The following PLA2G5 variants were observed in gnomAD, a reference collection of about 807,000 sequenced individuals.
PLA2G5 encodes phospholipase A2 group V.
A neutral mutation model predicts 15.9 loss-of-function variants in PLA2G5; 12 were observed. The observed-to-expected ratio is 0.76, with a 90% CI of 0.48 to 1.23. The LOEUF is 1.23. Among genes scored for constraint, PLA2G5 ranks in the 50% most tolerant of loss-of-function variants. PLA2G5 has a pLI of 0.00. For missense variants in PLA2G5, 169 were observed against 177.1 expected (o/e 0.95, Z 0.26); for synonymous variants, 71 against 71.4 (o/e 0.99, Z 0.03).
intron 1 of PLA2G5, among the ~76,000 whole-genome samples, chr1:20,081,791 TG>T (rs1287687491): frequency 6.6e-6 from 1 of 151,806 alleles, no homozygotes; most frequent in Non-Finnish European, 1.5e-5. Context: ...AGAATTCTCA[TG>T]GCTGTAATCC....
intron 1 of PLA2G5, among the ~76,000 whole-genome samples, chr1:20,033,808 G>A (rs1039533684): frequency 3.3e-5 from 5 of 151,940 alleles, no homozygotes; most frequent in African/African-American, 4.8e-5. Flanking sequence ...GTAGTTGATG[G>A]GGCAAGCTGA....
intron 1 of PLA2G5, among the ~76,000 whole-genome samples, chr1:20,044,886 G>T (rs2013809941): frequency 6.6e-6 from 1 of 152,056 alleles, no homozygotes; most frequent in Non-Finnish European, 1.5e-5. Context: ...GCAGCGTTTG[G>T]GGTTGGGACT....
intron 1 of PLA2G5, among the ~76,000 whole-genome samples, chr1:20,042,472 CT>C (rs748768276): frequency 2.0e-5 from 3 of 152,002 alleles, no homozygotes; most frequent in Non-Finnish European, 4.4e-5. Context: ...GGTCCCAGCT[CT>C]TGTGTAGGAA....
At chr1:20,079,113 CAAAA>C (rs5772882) in intron 1 of PLA2G5, among the ~76,000 whole-genome samples, 12 of 103,052 alleles carry the variant, frequency 1.2e-4, no homozygotes, top group African/African-American at 1.5e-4. Context: ...GACCCTGTCT[CAAAA>C]AAAAAAAAAA....
chr1:20,046,227 G>A (rs746667117), intron 1 of PLA2G5: 2 of 152,152 alleles, frequency 1.3e-5, no homozygotes, highest in African/African-American at 4.8e-5. Context: ...AGTGCTCAGC[G>A]ATCATATTGT....
intron 1 of PLA2G5, among the ~76,000 whole-genome samples, chr1:20,046,319 G>A (rs770651381): frequency 5.9e-5 from 9 of 152,082 alleles, no homozygotes; most frequent in Non-Finnish European, 1.0e-4. Context: ...AAATCCAAGT[G>A]AGAATTCCAA....
At chr1:20,057,887 G>A (rs998867955) in intron 1 of PLA2G5, among the ~76,000 whole-genome samples, 6 of 151,746 alleles carry the variant, frequency 4.0e-5, no homozygotes, top group African/African-American at 1.4e-4. Flanking sequence ...TTTGACCCAC[G>A]TGTTATTTAG....
At chr1:20,084,026 C>T (rs532990972) in intron 1 of PLA2G5, among the ~76,000 whole-genome samples, 22 of 151,714 alleles carry the variant, frequency 1.5e-4, no homozygotes, top group Admixed American at 9.8e-4. Flanking sequence ...ATAATAAATC[C>T]AGCTTGGATT....
intron 1 of PLA2G5, among the ~76,000 whole-genome samples, chr1:20,058,183 ACTTT>A (rs1350508452): frequency 1.3e-5 from 2 of 152,040 alleles, no homozygotes; most frequent in Non-Finnish European, 2.9e-5. Flanking sequence ...GTCCTTACTG[ACTTT>A]CTGCTTGCTG....
chr1:20,086,843 C>T (rs184315817), intron 3 of PLA2G5, among the ~76,000 whole-genome samples: 13 of 152,280 alleles, frequency 8.5e-5, no homozygotes, highest in South Asian at 2.1e-4. Context: ...ACCTCTTGAT[C>T]GGGAAGTGCT....
intron 1 of PLA2G5, among the ~76,000 whole-genome samples, chr1:20,040,551 G>A (rs892505684): frequency 1.2e-4 from 18 of 149,612 alleles, no homozygotes; most frequent in African/African-American, 4.5e-4. Flanking sequence ...TTGCTAGTGG[G>A]ATGTCATTGC....
At chr1:20,068,979 T>C (rs1461502665), upstream of PLA2G5, 11 of 1,274,272 alleles carry the variant, frequency 8.6e-6, no homozygotes, top group Non-Finnish European at 1.0e-5. Context: ...GGCCCAGAAT[T>C]GGCACAGATA....
chr1:20,051,704 G>C (rs1370062295), intron 1 of PLA2G5, among the ~76,000 whole-genome samples: 2 of 152,178 alleles, frequency 1.3e-5, no homozygotes, highest in African/African-American at 4.8e-5. Context: ...GCTTTGACTG[G>C]AATGGCATGC....
At chr1:20,074,908 G>A (rs1211713932) in intron 1 of PLA2G5, among the ~76,000 whole-genome samples, 1 of 152,194 alleles carries the variant, frequency 6.6e-6, no homozygotes, top group Non-Finnish European at 1.5e-5. Context: ...ACCCAAGTCA[G>A]CCCCAATTCC....
intron 1 of PLA2G5, among the ~76,000 whole-genome samples, chr1:20,083,675 G>T (rs2016143356): frequency 6.6e-6 from 1 of 151,878 alleles, no homozygotes; most frequent in South Asian, 2.1e-4. Flanking sequence ...GGCCTGAGAG[G>T]TAGAGCATGA....
At chr1:20,067,173 T>G (rs932952366), upstream of PLA2G5, among the ~76,000 whole-genome samples, 4 of 152,150 alleles carry the variant, frequency 2.6e-5, no homozygotes, top group African/African-American at 9.7e-5. Context: ...TTTTGAATTT[T>G]GGGTAGAGAT....
chr1:20,031,286 C>CTAA (rs2012918984), intron 1 of PLA2G5, among the ~76,000 whole-genome samples: 1 of 152,044 alleles, frequency 6.6e-6, no homozygotes, highest in Non-Finnish European at 1.5e-5. Flanking sequence ...ACAAACAAAT[C>CTAA]TAACAGTTGG....
At chr1:20,067,503 C>T (rs1226626617), upstream of PLA2G5, among the ~76,000 whole-genome samples, 1 of 151,788 alleles carries the variant, frequency 6.6e-6, no homozygotes, top group African/African-American at 2.4e-5. Flanking sequence ...GCTTGGGCAA[C>T]ACGGTGAAAC....
intron 1 of PLA2G5, among the ~76,000 whole-genome samples, chr1:20,078,607 G>A (rs1180192811): frequency 6.6e-6 from 1 of 152,148 alleles, no homozygotes; most frequent in Non-Finnish European, 1.5e-5. Flanking sequence ...TTCACCGTGG[G>A]ATCCCAGTGC....
Sources: allele counts gnomAD v4.1 joint callset (sites outside exome capture counted in the v4.1 genomes callset), GRCh38; gene constraint gnomAD v4.1.1; transcripts MANE v1.5; gene names NCBI Gene and HGNC (gene_info 2026-07-23, HGNC 2026-07-21).